ADORA2B: variants seen among roughly 807,000 people sequenced by gnomAD.
ADORA2B encodes the protein adenosine A2b receptor, also known as adenosine receptor A2b.
Under a neutral mutation model 20.8 loss-of-function variants are expected in ADORA2B, and 18 were observed. The observed-to-expected ratio is 0.87, with a 90% confidence interval of 0.60 to 1.29. The LOEUF (loss-of-function observed/expected upper bound fraction) is 1.29. Ranked by LOEUF, ADORA2B falls within the 50% of genes most tolerant of loss-of-function variation. The pLI is 0.00. For missense variants in ADORA2B, 441 were observed against 422.7 expected (o/e 1.04, Z -0.38); for synonymous variants, 179 against 178.3 (o/e 1.00, Z -0.03).
At chr17:15,945,809 A>C (rs1969796781) in intron 1 of ADORA2B, among the ~76,000 whole-genome samples, 1 of 150,326 alleles carries the variant, frequency 6.7e-6, no homozygotes, top group Non-Finnish European at 1.5e-5. Context: ...AGATCTGCGT[A>C]GGGACAGCTC....
the ADORA2B span, among the ~76,000 whole-genome samples, chr17:15,899,370 T>C: frequency 7.9e-5 from 12 of 152,236 alleles, no homozygotes; most frequent in Admixed American, 7.2e-4. Context: ...TTCTTATATG[T>C]ATATATTCAA....
chr17:15,938,372 G>A, the ADORA2B span, among the ~76,000 whole-genome samples: 5 of 152,084 alleles, frequency 3.3e-5, no homozygotes, highest in African/African-American at 1.2e-4. Context: ...GTGCAATCTC[G>A]GCTCACTGCA....
At chr17:15,869,875 G>C in the ADORA2B span, among the ~76,000 whole-genome samples, 2 of 152,156 alleles carry the variant, frequency 1.3e-5, no homozygotes, top group Non-Finnish European at 2.9e-5. Context: ...TTATAACTCA[G>C]AATTTTCTCA....
In ADORA2B at chr17:15,949,614, G is replaced by T. The variant is rs116739873; in HGVS notation, c.335+4031G>T. 8.7e-3 allele frequency among the ~76,000 whole-genome samples: 1,317 copies of T among 151,634 alleles called. 23 individuals carry two copies. Among genetic ancestry groups the T allele is most frequent in the African/African-American group, 0.03 (1,232 of 41,334 alleles). ...GGGCTGGATACGGTGGCTCACACCC[G>T]TAATCACAGCATTTTGGGAGGCCGA... is the stretch of plus-strand genomic sequence containing the variant. On this transcript the variant is annotated intron_variant, in intron 1 of 1. Transcript: ENST00000304222.
In ADORA2B at chr17:15,945,591, G is replaced by C. The variant is rs766900823; in HGVS notation, c.335+8G>C. On this transcript the variant is annotated splice_region_variant and intron_variant, in intron 1 of 1. Coordinates refer to ENST00000304222, the MANE Select transcript of ADORA2B (RefSeq NM_000676.4). ...CATCTGTGTCCCGCTCAGGTGAGGCGCTCGGCGTCGCCCGAACTCGGGGCC... is the reference window on the plus strand; with the variant it reads ...CATCTGTGTCCCGCTCAGGTGAGGCCCTCGGCGTCGCCCGAACTCGGGGCC... The C allele has an allele frequency of 3.4e-6, 5 of 1,467,992 alleles. No individual in the cohort carries two copies. The East Asian group carries it at 1.3e-4, about 37-fold the overall frequency. 90.9% of individuals were successfully genotyped at this position (1,467,992 alleles called of 1,614,324 possible). A position where few individuals can be genotyped will look rare whatever the true frequency, so the allele number is the denominator to read the frequency against.
At chr17:15,933,187 C>A in the ADORA2B span, among the ~76,000 whole-genome samples, 2 of 152,238 alleles carry the variant, frequency 1.3e-5, no homozygotes, top group South Asian at 4.1e-4. Flanking sequence ...AATCTCCTGA[C>A]CTTGTGATCC....
At position 15,974,770 on chromosome 17, in the gene ADORA2B, G is replaced by T; in HGVS notation, c.427G>T (p.Gly143Trp). Residue 143 changes from glycine to tryptophan, a missense_variant, in exon 2 of 2, where the codon GGG (glycine) becomes TGG (tryptophan). Gly to Trp is a radical substitution (Grantham distance 184). Coordinates refer to ENST00000304222, the MANE Select transcript of ADORA2B (RefSeq NM_000676.4). ...TGGCATCGGATTGACTCCATTCCTGGGGTGGAACAGTAAAGACAGTGCCAC... is the reference window on the plus strand; with the variant it reads ...TGGCATCGGATTGACTCCATTCCTGTGGTGGAACAGTAAAGACAGTGCCAC... ...AFGIGLTPFL[G>W]WNSKDSATNN... 6.2e-7 allele frequency: 1 copy of T among 1,613,980 alleles called. No individual in the cohort carries two copies. Among genetic ancestry groups the T allele is most frequent in the Admixed American group, 1.7e-5 (1 of 59,998 alleles).
At chr17:15,858,950 G>A in the ADORA2B span, 1 of 152,182 alleles carries the variant, frequency 6.6e-6, no homozygotes, top group African/African-American at 2.4e-5. Context: ...CCTGCCAGCT[G>A]CACCTCTCAG....
At chr17:15,884,714 T>A in the ADORA2B span, among the ~76,000 whole-genome samples, 1 of 152,228 alleles carries the variant, frequency 6.6e-6, no homozygotes, top group African/African-American at 2.4e-5. Flanking sequence ...GATAATGGCT[T>A]CCAGCTTCAT....
At chr17:15,859,384 G>T in the ADORA2B span, among the ~76,000 whole-genome samples, 1 of 150,016 alleles carries the variant, frequency 6.7e-6, no homozygotes. Flanking sequence ...TCTCTTTAGT[G>T]ACGTAAATAC....
At chr17:15,938,460 G>A in the ADORA2B span, among the ~76,000 whole-genome samples, 224 of 152,108 alleles carry the variant, frequency 1.5e-3, 1 homozygote, top group Admixed American at 2.0e-4. Context: ...CCGCCACCAC[G>A]CCCGGCTAAT....
the ADORA2B span, among the ~76,000 whole-genome samples, chr17:15,906,205 G>A: frequency 2.0e-5 from 3 of 152,342 alleles, no homozygotes; most frequent in Admixed American, 2.0e-4. Flanking sequence ...TGAGGGAAGT[G>A]TTCAAGTCTT....
chr17:15,910,331 T>C, the ADORA2B span, among the ~76,000 whole-genome samples: 1 of 152,010 alleles, frequency 6.6e-6, no homozygotes, highest in Non-Finnish European at 1.5e-5. Flanking sequence ...TGAGTTTTGC[T>C]GTTTCACCCA....
the ADORA2B span, among the ~76,000 whole-genome samples, chr17:15,879,106 T>A: frequency 6.6e-6 from 1 of 152,208 alleles, no homozygotes; most frequent in Non-Finnish European, 1.5e-5. Context: ...ATTTTTTTAG[T>A]TACGATGTTA....
At chr17:15,925,541 G>A in the ADORA2B span, among the ~76,000 whole-genome samples, 1 of 152,168 alleles carries the variant, frequency 6.6e-6, no homozygotes, top group African/African-American at 2.4e-5. Context: ...ATGCTTCATT[G>A]TTAGGTTGCA....
chr17:15,948,271 A>C (rs1483353037), intron 1 of ADORA2B, among the ~76,000 whole-genome samples: 1 of 9,856 alleles, frequency 1.0e-4, no homozygotes, highest in Non-Finnish European at 8.1e-4. Flanking sequence ...GGGGAGCCGG[A>C]GGGAATGCCA....
At chr17:15,892,170 TTTTGAGACAGAG>T in the ADORA2B span, among the ~76,000 whole-genome samples, 35 of 150,912 alleles carry the variant, frequency 2.3e-4, no homozygotes, top group African/African-American at 8.5e-4. Flanking sequence ...CAAATATTTT[TTTTGAGACAGAG>T]TTTGAGATAG....
chr17:15,908,514 T>C, the ADORA2B span: 1 of 162,804 alleles, frequency 6.1e-6, no homozygotes. Context: ...TGCCTTGTGC[T>C]CTGTCCCCCA....
chr17:15,945,875 G>C (rs1314931635), intron 1 of ADORA2B, among the ~76,000 whole-genome samples: 1 of 150,116 alleles, frequency 6.7e-6, no homozygotes, highest in African/African-American at 2.4e-5. Flanking sequence ...TGGAAACCCC[G>C]GGGAAAGCGT....
Sources: gnomAD v4.1 joint callset for allele counts (sites outside exome capture counted in the v4.1 genomes callset) on GRCh38, gnomAD v4.1.1 for gene constraint, MANE v1.5 for transcripts, NCBI Gene and HGNC (gene_info 2026-07-23, HGNC 2026-07-21) for gene names.